The following NKAIN3 variants were observed in gnomAD, a reference collection of about 807,000 sequenced individuals.
The protein encoded by NKAIN3 is sodium/potassium-transporting ATPase subunit beta-1-interacting protein 3.
Under a neutral mutation model 30.2 loss-of-function variants are expected in NKAIN3, and 25 were observed. The observed-to-expected ratio is 0.83, with a 90% CI of 0.60 to 1.16. The LOEUF (loss-of-function observed/expected upper bound fraction) is 1.16. Ranked by LOEUF, NKAIN3 falls within the 50% of genes most tolerant of loss-of-function variation. The pLI is 0.00. For missense variants in NKAIN3, 225 were observed against 254.1 expected, an observed-to-expected ratio of 0.89 and a Z score of 0.78; for synonymous variants, 91 against 89.6, an observed-to-expected ratio of 1.02 and a Z score of -0.09.
intron 4 of NKAIN3, among the ~76,000 whole-genome samples, chr8:62,808,671 G>A (rs543274048): frequency 2.6e-5 from 4 of 152,220 alleles, no homozygotes; most frequent in Non-Finnish European, 5.9e-5. Flanking sequence ...AGGGGAGGGA[G>A]TGTATGAATA....
intron 1 of NKAIN3, among the ~76,000 whole-genome samples, chr8:62,282,587 G>A (rs1218935571): frequency 6.6e-6 from 1 of 152,142 alleles, no homozygotes; most frequent in Non-Finnish European, 1.5e-5. Flanking sequence ...CTAATGTGCT[G>A]TTTGATACTT....
At chr8:62,826,526 A>G (rs559117766) in intron 4 of NKAIN3, among the ~76,000 whole-genome samples, 2 of 152,284 alleles carry the variant, frequency 1.3e-5, no homozygotes, top group South Asian at 4.1e-4. Flanking sequence ...GTTAAATAAG[A>G]TTTCCCACGT....
chr8:62,918,035 T>C (rs1822160219), intron 4 of NKAIN3, among the ~76,000 whole-genome samples: 1 of 152,240 alleles, frequency 6.6e-6, no homozygotes, highest in African/African-American at 2.4e-5. Context: ...TGGTATTTAA[T>C]TTATAAGCAA....
chr8:62,673,795 A>C (rs1020465444), intron 3 of NKAIN3, among the ~76,000 whole-genome samples: 5 of 152,218 alleles, frequency 3.3e-5, no homozygotes, highest in Admixed American at 1.3e-4. Flanking sequence ...AAACATATTC[A>C]AACAGGAAAA....
intron 1 of NKAIN3, among the ~76,000 whole-genome samples, chr8:62,340,359 G>A (rs1815702094): frequency 6.6e-6 from 1 of 151,952 alleles, no homozygotes; most frequent in Non-Finnish European, 1.5e-5. Context: ...GGAGTTCAGA[G>A]AGTGACATTT....
At chr8:62,658,550 A>G (rs1233468392) in intron 3 of NKAIN3, among the ~76,000 whole-genome samples, 1 of 152,202 alleles carries the variant, frequency 6.6e-6, no homozygotes, top group Non-Finnish European at 1.5e-5. Context: ...ATAAATGAAT[A>G]TATCACTCCA....
chr8:62,703,191 A>G (rs1449484271), intron 3 of NKAIN3, among the ~76,000 whole-genome samples: 2 of 152,186 alleles, frequency 1.3e-5, no homozygotes, highest in Non-Finnish European at 2.9e-5. Context: ...TTACTTTAAT[A>G]TATTAAAAAT....
intron 4 of NKAIN3, among the ~76,000 whole-genome samples, chr8:62,757,097 C>T (rs927702600): frequency 3.9e-5 from 6 of 151,926 alleles, no homozygotes; most frequent in Admixed American, 6.6e-5. Flanking sequence ...ATCTGAGATC[C>T]GTTTAATAAT....
intron 1 of NKAIN3, among the ~76,000 whole-genome samples, chr8:62,497,261 G>A (rs1014543142): frequency 1.3e-5 from 2 of 152,028 alleles, no homozygotes; most frequent in Non-Finnish European, 2.9e-5. Context: ...AAGGGAAAGA[G>A]AATGGAAATT....
chr8:62,960,735 G>GCGCACA lies in NKAIN3; in HGVS notation c.604-4618_604-4617insGCACAC, dbSNP rs1554596932. Among the ~76,000 whole-genome samples the GCGCACA allele has an allele frequency of 1.8e-3, 268 of 148,538 alleles. 2 individuals carry two copies. Among genetic ancestry groups the GCGCACA allele is most frequent in the Middle Eastern group, 6.9e-3 (2 of 290 alleles). On this transcript the variant is annotated intron_variant, in intron 6 of 6. Coordinates refer to ENST00000623646, the MANE Select transcript of NKAIN3 (RefSeq NM_001304533.3). The stretch of plus-strand genomic sequence containing the variant: ...AGATTACACAATACGCAGGAAAAAA[G>GCGCACA]CACACACACACACACACACACAAGT...
At chr8:62,839,106 G>T (rs930697834) in intron 4 of NKAIN3, among the ~76,000 whole-genome samples, 17 of 151,980 alleles carry the variant, frequency 1.1e-4, no homozygotes, top group African/African-American at 4.1e-4. Context: ...ATCAGACAGT[G>T]ATGCAGTTTC....
intron 1 of NKAIN3, among the ~76,000 whole-genome samples, chr8:62,487,594 C>T (rs1282616552): frequency 6.6e-6 from 1 of 152,066 alleles, no homozygotes; most frequent in Non-Finnish European, 1.5e-5. Context: ...GGTTTACTGC[C>T]TTAATGTTAC....
chr8:62,438,136 G>A (rs924262500), intron 1 of NKAIN3, among the ~76,000 whole-genome samples: 7 of 152,154 alleles, frequency 4.6e-5, no homozygotes, highest in South Asian at 4.1e-4. Flanking sequence ...AAGGGGCTGC[G>A]CCTGGCTCCA....
chr8:62,305,605 T>C (rs138220098), intron 1 of NKAIN3, among the ~76,000 whole-genome samples: 26 of 150,546 alleles, frequency 1.7e-4, no homozygotes, highest in African/African-American at 6.5e-4. Context: ...CTATACTCTT[T>C]CCCTGCATGT....
intron 1 of NKAIN3, among the ~76,000 whole-genome samples, chr8:62,412,921 AC>A (rs1300251942): frequency 1.4e-3 from 114 of 81,644 alleles, no homozygotes; most frequent in African/African-American, 3.6e-3. Context: ...AAAAAAAAAA[AC>A]AAAAAAAAAA....
chr8:62,375,292 T>G (rs16928797), intron 1 of NKAIN3, among the ~76,000 whole-genome samples: 21,051 of 152,184 alleles, frequency 0.14, 1,744 homozygotes, highest in East Asian at 0.4. Flanking sequence ...ATGAATCCTA[T>G]GAAGTACAGT....
chr8:62,387,067 G>A (rs557968400), intron 1 of NKAIN3, among the ~76,000 whole-genome samples: 1 of 151,872 alleles, frequency 6.6e-6, no homozygotes. Context: ...TCATCTTTTC[G>A]GATAGTCACA....
chr8:62,749,558 A>G (rs1221911245), intron 4 of NKAIN3, among the ~76,000 whole-genome samples: 3 of 152,044 alleles, frequency 2.0e-5, no homozygotes, highest in Admixed American at 1.3e-4. Context: ...ATATCAAGAA[A>G]TTGTTTCACA....
At chr8:62,288,771 TG>T (rs1813469459) in intron 1 of NKAIN3, among the ~76,000 whole-genome samples, 1 of 152,220 alleles carries the variant, frequency 6.6e-6, no homozygotes, top group African/African-American at 2.4e-5. Context: ...ATAGGATGGC[TG>T]GGTCAAATGG....
Sources: allele counts gnomAD v4.1 joint callset (sites outside exome capture counted in the v4.1 genomes callset), GRCh38; gene constraint gnomAD v4.1.1; transcripts MANE v1.5; gene names NCBI Gene and HGNC (gene_info 2026-07-23, HGNC 2026-07-21).